CACNG2: variants seen among roughly 807,000 people sequenced by gnomAD.
The protein encoded by CACNG2 is calcium voltage-gated channel auxiliary subunit gamma 2, also known as voltage-dependent calcium channel gamma-2 subunit.
A neutral mutation model predicts 25.9 loss-of-function variants in CACNG2; 3 were observed. The observed-to-expected ratio is 0.12, with a 90% CI of 0.05 to 0.30. The LOEUF is 0.30. CACNG2 is among the 10% of genes least tolerant of loss of function. The pLI is 1.00. For missense variants in CACNG2, 341 were observed against 432.5 expected (o/e 0.79, Z 1.88); for synonymous variants, 167 against 173.3 (o/e 0.96, Z 0.29).
At chr22:36,663,595 G>T (rs1035407192) in intron 1 of CACNG2, among the ~76,000 whole-genome samples, 1 of 152,196 alleles carries the variant, frequency 6.6e-6, no homozygotes, top group Non-Finnish European at 1.5e-5. Flanking sequence ...ACAGGAACTA[G>T]AGGGACCTTT....
chr22:36,599,952 G>A (rs1935729940), intron 1 of CACNG2, among the ~76,000 whole-genome samples: 1 of 152,216 alleles, frequency 6.6e-6, no homozygotes, highest in South Asian at 2.1e-4. Flanking sequence ...AGGTGGTCAT[G>A]TGACAAAGTT....
At chr22:36,675,486 G>C (rs1316503960) in intron 1 of CACNG2, among the ~76,000 whole-genome samples, 1 of 152,192 alleles carries the variant, frequency 6.6e-6, no homozygotes, top group African/African-American at 2.4e-5. Flanking sequence ...AATACACATA[G>C]TTCTCCTTTT....
At chr22:36,591,406 G>A (rs1935590631) in intron 1 of CACNG2, among the ~76,000 whole-genome samples, 2 of 152,152 alleles carry the variant, frequency 1.3e-5, no homozygotes, top group African/African-American at 4.8e-5. Flanking sequence ...GGGGCTGGGG[G>A]CAGTGGCTCA....
intron 1 of CACNG2, among the ~76,000 whole-genome samples, chr22:36,683,107 CTG>C (rs1569051578): frequency 6.6e-6 from 1 of 152,218 alleles, no homozygotes; most frequent in African/African-American, 2.4e-5. Flanking sequence ...TTGCAGCATC[CTG>C]TCTTTCTTTC....
rs1260485985 is a variant in CACNG2, at chr22:36,623,012, GT to G, written c.212-35465del. On this transcript the variant is annotated intron_variant, in intron 1 of 3. Transcript: ENST00000300105. ...TTCTCATTCAGTCTTCAAAACATGG[GT>G]TTTTTTTTTTTTTTTTTTTTTTTGA... is the stretch of plus-strand genomic sequence containing the variant. Among the ~76,000 whole-genome samples, 441 of 45,742 alleles carry G rather than the reference GT, an allele frequency of 9.6e-3. 1 individual carries two copies. Among genetic ancestry groups the G allele is most frequent in the Non-Finnish European group, 0.016 (328 of 20,406 alleles). 30.0% of individuals were successfully genotyped at this position (45,742 alleles called of 152,430 possible).
intron 1 of CACNG2, among the ~76,000 whole-genome samples, chr22:36,613,154 CTCTGTG>C (rs1281853785): frequency 3.5e-4 from 26 of 74,000 alleles, no homozygotes; most frequent in Middle Eastern, 5.9e-3. Context: ...ATTACAGGCT[CTCTGTG>C]TGTGTGTGTG....
At chr22:36,622,150 G>A (rs1290043593) in intron 1 of CACNG2, among the ~76,000 whole-genome samples, 1 of 152,224 alleles carries the variant, frequency 6.6e-6, no homozygotes, top group Non-Finnish European at 1.5e-5. Context: ...TTAGCTAGTC[G>A]GTGGAGGGGC....
At position 36,650,179 on chromosome 22, in the gene CACNG2, G is replaced by A. The variant is rs1399725571; in HGVS notation, c.211+52187C>T. ...AGAGTGATGCTAAAATACAGGTCAAGTTAGGTCACTTCTCTGCTCAAAACC... is the reference window on the plus strand; with the variant it reads ...AGAGTGATGCTAAAATACAGGTCAAATTAGGTCACTTCTCTGCTCAAAACC... On this transcript the variant is annotated intron_variant, in intron 1 of 3. Coordinates refer to ENST00000300105, the MANE Select transcript of CACNG2 (RefSeq NM_006078.5). Among the ~76,000 whole-genome samples, 5 of 152,182 alleles carry A rather than the reference G, an allele frequency of 3.3e-5. No individual in the cohort carries two copies. In the South Asian group the frequency reaches 8.3e-4, roughly 25 times the overall value.
intron 1 of CACNG2, among the ~76,000 whole-genome samples, chr22:36,602,592 G>A (rs953232827): frequency 6.6e-6 from 1 of 152,122 alleles, no homozygotes; most frequent in Non-Finnish European, 1.5e-5. Flanking sequence ...CGCCATGTTG[G>A]CCAGGCTGGT....
intron 1 of CACNG2, among the ~76,000 whole-genome samples, chr22:36,592,724 CA>C (rs1935615543): frequency 6.6e-6 from 1 of 151,660 alleles, no homozygotes; most frequent in African/African-American, 2.4e-5. Flanking sequence ...CATGCTTTGA[CA>C]CAGGAAACCA....
chr22:36,603,324 T>C (rs979029248), intron 1 of CACNG2, among the ~76,000 whole-genome samples: 3 of 152,154 alleles, frequency 2.0e-5, no homozygotes, highest in Non-Finnish European at 4.4e-5. Flanking sequence ...AGAGGTTGGT[T>C]CATGAGGTTT....
intron 2 of CACNG2, among the ~76,000 whole-genome samples, chr22:36,567,298 C>T (rs1052486679): frequency 6.6e-6 from 1 of 152,128 alleles, no homozygotes; most frequent in South Asian, 2.1e-4. Context: ...ACATATGCTT[C>T]CACCATGAAC....
chr22:36,624,557 T>C (rs367951274), intron 1 of CACNG2, among the ~76,000 whole-genome samples: 2 of 152,330 alleles, frequency 1.3e-5, no homozygotes, highest in African/African-American at 4.8e-5. Context: ...CATATCTTTC[T>C]ACTCCTTTCT....
intron 1 of CACNG2, among the ~76,000 whole-genome samples, chr22:36,682,687 C>A (rs1249753694): frequency 6.6e-6 from 1 of 152,024 alleles, no homozygotes; most frequent in Admixed American, 6.6e-5. Context: ...AATTGTGAGA[C>A]CAAATGAAGC....
intron 1 of CACNG2, among the ~76,000 whole-genome samples, chr22:36,594,669 C>A (rs1935645446): frequency 6.6e-6 from 1 of 151,848 alleles, no homozygotes; most frequent in South Asian, 2.1e-4. Flanking sequence ...AGGGAGGGGT[C>A]CGTGTATGCC....
intron 1 of CACNG2, among the ~76,000 whole-genome samples, chr22:36,681,956 G>A (rs994270268): frequency 6.6e-5 from 10 of 152,212 alleles, no homozygotes; most frequent in Admixed American, 5.2e-4. Flanking sequence ...AGGATGCCAA[G>A]TCTGCATGCT....
rs61572491 is a variant in CACNG2 at position 36,613,156 on chromosome 22, CTGTGTGTG to C, written c.212-25616_212-25609del. 8.1e-3 allele frequency among the ~76,000 whole-genome samples: 1,180 copies of C among 146,216 alleles called. 19 individuals carry two copies. Among genetic ancestry groups the C allele is most frequent in the Admixed American group, 0.022 (327 of 14,684 alleles). On this transcript the variant is annotated intron_variant, in intron 1 of 3. Coordinates refer to ENST00000300105, the MANE Select transcript of CACNG2 (RefSeq NM_006078.5). ...AAAAGTTCATTTCATTACAGGCTCT[CTGTGTGTG>C]TGTGTGTGTGTGTGTGTGTGTGTGT... is the stretch of plus-strand genomic sequence containing the variant.
intron 1 of CACNG2, among the ~76,000 whole-genome samples, chr22:36,695,740 C>A (rs1379100197): frequency 6.6e-6 from 1 of 152,022 alleles, no homozygotes; most frequent in Non-Finnish European, 1.5e-5. Context: ...GTGAATAGCA[C>A]TTATCAGAGC....
chr22:36,674,256 C>A (rs912424268), intron 1 of CACNG2, among the ~76,000 whole-genome samples: 1 of 152,260 alleles, frequency 6.6e-6, no homozygotes, highest in African/African-American at 2.4e-5. Context: ...ACCTCTCCCA[C>A]CTCCCACTTC....
Sources: gnomAD v4.1 joint callset for allele counts (sites outside exome capture counted in the v4.1 genomes callset) on GRCh38, gnomAD v4.1.1 for gene constraint, MANE v1.5 for transcripts, NCBI Gene and HGNC (gene_info 2026-07-23, HGNC 2026-07-21) for gene names.